The following KIAA1217 variants were observed in gnomAD, a reference collection of about 807,000 sequenced individuals.
KIAA1217 encodes the protein sickle tail protein homolog.
KIAA1217 carries 88 observed loss-of-function variants against 163.9 expected under a neutral mutation model. The ratio of observed to expected loss-of-function variants is 0.54; its 90% CI spans 0.45 to 0.64. The LOEUF is 0.64. KIAA1217 is among the 30% of genes least tolerant of loss of function. The pLI, the probability that KIAA1217 is intolerant of heterozygous loss-of-function variation, is 0.00. For missense variants in KIAA1217, 2,372 were observed against 2,475.0 expected (o/e 0.96, Z 0.88); for synonymous variants, 903 against 923.1 (o/e 0.98, Z 0.39).
chr10:24,106,261 A>G (rs2062625095), intron 2 of KIAA1217, among the ~76,000 whole-genome samples: 1 of 152,174 alleles, frequency 6.6e-6, no homozygotes, highest in South Asian at 2.1e-4. Flanking sequence ...CTCCCTTGCA[A>G]TTAGGTGTAG....
intron 1 of KIAA1217, among the ~76,000 whole-genome samples, chr10:23,992,048 G>C (rs1054173967): frequency 6.6e-6 from 1 of 152,168 alleles, no homozygotes; most frequent in African/African-American, 2.4e-5. Context: ...CCCCCAAAAC[G>C]CATCATTTTA....
intron 1 of KIAA1217, among the ~76,000 whole-genome samples, chr10:23,957,742 C>T (rs556491864): frequency 4.6e-5 from 7 of 152,154 alleles, no homozygotes; most frequent in East Asian, 1.9e-4. Flanking sequence ...AAATAAATAA[C>T]TCCCAACCAA....
rs71397953 is a variant in KIAA1217, at chr10:24,501,729, C to CTTTTTTTTTTTTT, written c.2001+209_2001+221dup. Reference sequence around the variant, plus strand: ...AACTATAGTCAATCTATAACCACTTCTTTTTTTTTTTTTTTTTTTTTTTTT... The same window carrying CTTTTTTTTTTTTT: ...AACTATAGTCAATCTATAACCACTTCTTTTTTTTTTTTTTTTTTTTTTTTTTTTTTTTTTTTTT... On this transcript the variant is annotated intron_variant, in intron 9 of 20. Coordinates refer to ENST00000376454, the MANE Select transcript of KIAA1217 (RefSeq NM_019590.5). Among the ~76,000 whole-genome samples, 6 of 51,506 alleles carry CTTTTTTTTTTTTT rather than the reference C, an allele frequency of 1.2e-4. 1 individual carries two copies. The highest frequency in any genetic ancestry group is 1.8e-4 in the Non-Finnish European group (5 of 28,360). The allele number at this position is 51,506 out of a possible 152,430, so 33.8% of individuals were successfully genotyped here. A position where few individuals can be genotyped will look rare whatever the true frequency, so the allele number is the denominator to read the frequency against.
At chr10:24,127,502 T>C (rs536226654) in intron 2 of KIAA1217, among the ~76,000 whole-genome samples, 122 of 152,344 alleles carry the variant, frequency 8.0e-4, no homozygotes, top group African/African-American at 2.8e-3. Flanking sequence ...ATGATTTTTC[T>C]ACTGCCTTGA....
chr10:24,471,106 C>A (rs1020881066), intron 5 of KIAA1217, among the ~76,000 whole-genome samples: 2 of 152,150 alleles, frequency 1.3e-5, no homozygotes, highest in African/African-American at 4.8e-5. Flanking sequence ...TAGTTTGTAT[C>A]CTGTGCATTA....
chr10:24,279,285 T>C (rs1404425061), intron 2 of KIAA1217, among the ~76,000 whole-genome samples: 2 of 151,960 alleles, frequency 1.3e-5, no homozygotes, highest in Non-Finnish European at 2.9e-5. Context: ...TTTGTTTTTT[T>C]TTTTAAAAAA....
Position 23,790,521 on chromosome 10 carries a change from A to G in KIAA1217, c.-321+95287A>G, listed in dbSNP as rs185453143. ...CATGTGCATATATACATATGTATAT[A>G]TACATATATACATATACATGTGCAT... is the stretch of plus-strand genomic sequence containing the variant. On this transcript the variant is annotated intron_variant, in intron 1 of 18. Transcript: ENST00000376462. Among the ~76,000 whole-genome samples, 423 of 104,354 alleles carry G rather than the reference A, an allele frequency of 4.1e-3. 80 individuals are homozygous for G. Among genetic ancestry groups the G allele is most frequent in the East Asian group, 0.027 (115 of 4,312 alleles). The allele number at this position is 104,354 out of a possible 152,430, so 68.5% of individuals were successfully genotyped here.
At chr10:24,312,421 G>A (rs2042819762) in intron 2 of KIAA1217, among the ~76,000 whole-genome samples, 3 of 152,080 alleles carry the variant, frequency 2.0e-5, no homozygotes, top group African/African-American at 7.2e-5. Flanking sequence ...TTCGAGATCA[G>A]CCTGGGCAAG....
intron 2 of KIAA1217, among the ~76,000 whole-genome samples, chr10:24,152,003 G>A (rs2064638912): frequency 6.6e-6 from 1 of 152,148 alleles, no homozygotes; most frequent in Non-Finnish European, 1.5e-5. Context: ...GTTAACCAGA[G>A]TAGTTAAGTT....
At chr10:24,396,469 A>G (rs2055766368) in intron 3 of KIAA1217, among the ~76,000 whole-genome samples, 2 of 152,216 alleles carry the variant, frequency 1.3e-5, no homozygotes, top group Non-Finnish European at 2.9e-5. Context: ...AATAAAATAT[A>G]TAATAGATGG....
intron 2 of KIAA1217, among the ~76,000 whole-genome samples, chr10:24,229,498 C>CT (rs2071068347): frequency 6.6e-6 from 1 of 152,028 alleles, no homozygotes; most frequent in Non-Finnish European, 1.5e-5. Context: ...AGAGCTGTTT[C>CT]TTTTTTATTT....
At chr10:23,847,858 C>A (rs1588940319) in intron 1 of KIAA1217, among the ~76,000 whole-genome samples, 2 of 152,112 alleles carry the variant, frequency 1.3e-5, no homozygotes, top group African/African-American at 4.8e-5. Context: ...TCATTTAGTG[C>A]TATAAATTTC....
chr10:24,542,419 T>C, intron 17 of KIAA1217: 1 of 841,944 alleles, frequency 1.2e-6, no homozygotes, highest in Non-Finnish European at 1.7e-6. Flanking sequence ...AATGACTCTG[T>C]CCCTTTATTT....
intron 2 of KIAA1217, among the ~76,000 whole-genome samples, chr10:24,164,091 G>T (rs558125020): frequency 1.1e-4 from 17 of 152,320 alleles, no homozygotes; most frequent in African/African-American, 4.1e-4. Context: ...ACTAGCAATG[G>T]AATGAACAGT....
At chr10:24,239,034 G>T in intron 2 of KIAA1217, 1 of 345,904 alleles carries the variant, frequency 2.9e-6, no homozygotes, top group Non-Finnish European at 4.1e-6. Context: ...AGGTAATGTT[G>T]GCATGTCGGC....
intron 2 of KIAA1217, among the ~76,000 whole-genome samples, chr10:24,048,001 T>C (rs78631954): frequency 0.03 from 4,517 of 152,300 alleles, 211 homozygotes; most frequent in African/African-American, 0.1. Context: ...ATACTTTTTC[T>C]AGTATTTTCC....
At chr10:24,458,890 G>T (rs564117168) in intron 5 of KIAA1217, among the ~76,000 whole-genome samples, 1 of 152,088 alleles carries the variant, frequency 6.6e-6, no homozygotes, top group Non-Finnish European at 1.5e-5. Context: ...TGATGTGAAC[G>T]TTCAGTGACC....
At chr10:23,738,459 C>A (rs1240126472) in intron 1 of KIAA1217, among the ~76,000 whole-genome samples, 1 of 152,158 alleles carries the variant, frequency 6.6e-6, no homozygotes, top group Non-Finnish European at 1.5e-5. Flanking sequence ...GAAAATGCTT[C>A]TCAAGTTTAT....
chr10:24,231,858 G>T (rs1274518528), intron 2 of KIAA1217, among the ~76,000 whole-genome samples: 1 of 151,692 alleles, frequency 6.6e-6, no homozygotes, highest in Non-Finnish European at 1.5e-5. Context: ...GAGTGCAGTG[G>T]CATGATCTCG....
Sources: allele counts gnomAD v4.1 joint callset (sites outside exome capture counted in the v4.1 genomes callset), GRCh38; gene constraint gnomAD v4.1.1; transcripts MANE v1.5; gene names NCBI Gene and HGNC (gene_info 2026-07-23, HGNC 2026-07-21).